The following TTC3 variants were observed in gnomAD, a reference collection of about 807,000 sequenced individuals.
TTC3 encodes the protein E3 ubiquitin-protein ligase TTC3.
In TTC3, 180 loss-of-function variants were observed where a neutral mutation model predicts 249.6. The observed-to-expected ratio is 0.72, with a 90% CI of 0.64 to 0.82. The LOEUF is 0.82. TTC3 is among the 40% of genes least tolerant of loss of function. TTC3 has a pLI of 0.00. For missense variants in TTC3, 2,061 were observed against 2,398.4 expected (o/e 0.86, Z 2.94); for synonymous variants, 717 against 805.0 (o/e 0.89, Z 1.85).
chr21:37,176,083 C>T lies in TTC3; in HGVS notation c.4617+3339C>T, dbSNP rs2082261979. On this transcript the variant is annotated intron_variant, in intron 35 of 45. Coordinates refer to ENST00000355666, the Ensembl canonical transcript of TTC3. ...CCAAAAGGCACGTGAGGCACCGTGC[C>T]TGGCCAAAAGTAGCTTTTTTAAAGC... 3.3e-5 allele frequency among the ~76,000 whole-genome samples: 5 copies of T among 152,144 alleles called. No individual in the cohort carries two copies. In the South Asian group the frequency reaches 1.0e-3, roughly 32 times the overall value.
At chr21:37,164,135 C>G (rs758705480) in exon 32 of TTC3, 22 of 1,613,626 alleles carry the variant, frequency 1.4e-5, no homozygotes, top group Non-Finnish European at 1.9e-5. Context: ...CTCTCTATGA[C>G]CAACACAGTA....
At chr21:37,077,032 G>A (rs2070983205) in intron 1 of TTC3, among the ~76,000 whole-genome samples, 1 of 151,930 alleles carries the variant, frequency 6.6e-6, no homozygotes, top group African/African-American at 2.4e-5. Context: ...ATAGTGTTAG[G>A]GAAAGCCTCT....
At chr21:37,109,233 G>A (rs1005480290) in intron 11 of TTC3, among the ~76,000 whole-genome samples, 23 of 152,136 alleles carry the variant, frequency 1.5e-4, no homozygotes, top group African/African-American at 5.1e-4. Flanking sequence ...TGAGTGCAGC[G>A]CACCATGTGT....
intron 32 of TTC3, among the ~76,000 whole-genome samples, chr21:37,165,264 G>A (rs1005286992): frequency 7.2e-5 from 11 of 152,036 alleles, no homozygotes; most frequent in African/African-American, 2.7e-4. Flanking sequence ...AATAAATTAT[G>A]TAATTACATA....
intron 8 of TTC3, 25 bp downstream of exon 8, chr21:37,094,115 T>C (rs762600451): frequency 7.1e-7 from 1 of 1,413,956 alleles, no homozygotes; most frequent in African/African-American, 1.5e-5. Context: ...TATAAATATA[T>C]TTTAAGATTT....
intron 1 of TTC3, among the ~76,000 whole-genome samples, chr21:37,079,524 T>TTG (rs2071340544): frequency 8.7e-6 from 1 of 115,544 alleles, no homozygotes; most frequent in Admixed American, 9.1e-5. Context: ...ATGGTTTTTT[T>TTG]TTTTTTTTTT....
chr21:37,123,713 G>C (rs1233764283), intron 13 of TTC3, among the ~76,000 whole-genome samples: 1 of 151,700 alleles, frequency 6.6e-6, no homozygotes, highest in African/African-American at 2.4e-5. Flanking sequence ...ACTTAACTTA[G>C]GATATTTAAA....
intron 1 of TTC3, among the ~76,000 whole-genome samples, chr21:37,073,892 C>T (rs538967126): frequency 6.6e-6 from 1 of 152,368 alleles, no homozygotes; most frequent in East Asian, 1.9e-4. Context: ...CAATTGCGAC[C>T]CCCGCCTAGA....
At chr21:37,107,551 C>T (rs773754757) in intron 10 of TTC3, among the ~76,000 whole-genome samples, 4 of 152,084 alleles carry the variant, frequency 2.6e-5, no homozygotes, top group Non-Finnish European at 5.9e-5. Context: ...ATATCTACCT[C>T]AGAACAGGTA....
intron 39 of TTC3, 63 bp downstream of exon 39, chr21:37,188,658 G>T: frequency 1.6e-6 from 2 of 1,274,386 alleles, no homozygotes; most frequent in Admixed American, 2.0e-5. Context: ...GACCATTTGA[G>T]AAAAACATTA....
intron 35 of TTC3, among the ~76,000 whole-genome samples, chr21:37,180,492 C>T (rs914976551): frequency 1.0e-4 from 15 of 150,122 alleles, no homozygotes; most frequent in Non-Finnish European, 2.2e-4. Context: ...TCATCATTCT[C>T]AGTAAACTAT....
chr21:37,147,741 T>C (rs1314652425), intron 22 of TTC3, 138 bp downstream of exon 22: 1 of 1,108,156 alleles, frequency 9.0e-7, no homozygotes, highest in African/African-American at 1.7e-5. Context: ...ATTTTTTTTT[T>C]TTTTTTGAGA....
intron 15 of TTC3, among the ~76,000 whole-genome samples, chr21:37,128,209 C>T (rs2077184323): frequency 3.9e-5 from 6 of 152,226 alleles, no homozygotes; most frequent in African/African-American, 2.4e-5. Flanking sequence ...TGTGCCCTCC[C>T]CTTAAACCTT....
intron 37 of TTC3, chr21:37,186,104 T>C (rs1480749032): frequency 6.4e-6 from 1 of 156,114 alleles, no homozygotes; most frequent in Admixed American, 6.5e-5. Context: ...ACTTGGAATA[T>C]TCGTCTCCAC....
chr21:37,191,642 G>A (rs1374808112), intron 40 of TTC3, among the ~76,000 whole-genome samples: 4 of 152,040 alleles, frequency 2.6e-5, no homozygotes, highest in Admixed American at 1.3e-4. Flanking sequence ...GCAGTGGTGC[G>A]ATCTTGGCTC....
intron 28 of TTC3, 55 bp from the exon 29 acceptor site, chr21:37,159,644 A>G (rs377246040): frequency 7.7e-6 from 12 of 1,556,254 alleles, no homozygotes; most frequent in East Asian, 2.3e-5. Flanking sequence ...TTAGTGTACT[A>G]TATGGAAATG....
At chr21:37,103,712 CA>C (rs2074760179) in intron 10 of TTC3, among the ~76,000 whole-genome samples, 1 of 152,134 alleles carries the variant, frequency 6.6e-6, no homozygotes, top group Non-Finnish European at 1.5e-5. Context: ...CAGAAATGAG[CA>C]AAAACAGCCT....
intron 33 of TTC3, 47 bp from the exon 34 acceptor site, chr21:37,167,508 T>C (rs763625952): frequency 6.9e-7 from 1 of 1,447,912 alleles, no homozygotes; most frequent in Non-Finnish European, 9.6e-7. Context: ...CTTATTTTAC[T>C]AGAGCGATTG....
intron 27 of TTC3, among the ~76,000 whole-genome samples, chr21:37,155,149 A>G (rs1377770874): frequency 6.6e-6 from 1 of 152,186 alleles, no homozygotes; most frequent in Non-Finnish European, 1.5e-5. Context: ...TAAAATGCAC[A>G]CTTACTTAAA....
Sources: gnomAD v4.1 joint callset for allele counts (sites outside exome capture counted in the v4.1 genomes callset) on GRCh38, gnomAD v4.1.1 for gene constraint, MANE v1.5 for transcripts, NCBI Gene and HGNC (gene_info 2026-07-23, HGNC 2026-07-21) for gene names.